Variants in ANKFY1 observed in about 807,000 individuals in gnomAD.
ANKFY1 encodes ankyrin repeat and FYVE domain-containing protein 1.
A neutral mutation model predicts 128.3 loss-of-function variants in ANKFY1; 47 were observed. The ratio of observed to expected loss-of-function variants is 0.37; its 90% CI spans 0.29 to 0.47. The LOEUF (loss-of-function observed/expected upper bound fraction) is 0.47. Ranked by LOEUF, ANKFY1 falls within the 20% of genes least tolerant of loss-of-function variation. The pLI, the probability that ANKFY1 is intolerant of heterozygous loss-of-function variation, is 1.00. For synonymous variants in ANKFY1, 553 were observed against 601.6 expected, an observed-to-expected ratio of 0.92 and a Z score of 1.18; for missense variants, 1,222 against 1,510.6, an observed-to-expected ratio of 0.81 and a Z score of 3.17.
chr17:4,232,361 G>A (rs78304436), intron 3 of ANKFY1, among the ~76,000 whole-genome samples: 7,927 of 152,210 alleles, frequency 0.052, 451 homozygotes, highest in African/African-American at 0.14. Context: ...CAATGAGCAG[G>A]ACTGCTGGGC....
intron 3 of ANKFY1, among the ~76,000 whole-genome samples, chr17:4,231,080 C>G (rs1349436487): frequency 6.6e-6 from 1 of 152,194 alleles, no homozygotes; most frequent in African/African-American, 2.4e-5. Flanking sequence ...CTAAACCATT[C>G]TTGTTTTTCA....
At chr17:4,256,719 T>C (rs1170647668) in intron 1 of ANKFY1, among the ~76,000 whole-genome samples, 4 of 152,214 alleles carry the variant, frequency 2.6e-5, no homozygotes, top group Non-Finnish European at 5.9e-5. Context: ...TTCCCCTCTC[T>C]GTTCTGCAAG....
At chr17:4,257,389 C>A (rs1224295868) in intron 1 of ANKFY1, among the ~76,000 whole-genome samples, 1 of 152,164 alleles carries the variant, frequency 6.6e-6, no homozygotes, top group South Asian at 2.1e-4. Context: ...TCGGTAGTAT[C>A]GCTCCATGAG....
At position 4,242,276 on chromosome 17, in the gene ANKFY1, G is replaced by C. The variant is rs768153762; in HGVS notation, c.183C>G (p.Leu61=). The stretch of plus-strand genomic sequence containing the variant: ...CCCACCTGTACTGCTCCTGCTCGTA[G>C]AGGTCTGCCACGATGGCCAGCAGAC... ...ISRLLAIVAD[L]YEQEQYSDLK... The change falls in exon 2 of 25, where the codon CTC becomes CTG. Residue 61 remains leucine, a synonymous_variant. Coordinates refer to ENST00000341657, the MANE Select transcript of ANKFY1 (RefSeq NM_001330063.2). The C allele has an allele frequency of 6.3e-7, 1 of 1,586,342 alleles. No homozygotes were observed. Among genetic ancestry groups the C allele is most frequent in the African/African-American group, 1.4e-5 (1 of 73,110 alleles).
intron 1 of ANKFY1, among the ~76,000 whole-genome samples, chr17:4,263,153 G>A (rs895511477): frequency 6.6e-6 from 1 of 152,280 alleles, no homozygotes; most frequent in South Asian, 2.1e-4. Flanking sequence ...GTACAATAAG[G>A]CTTTGACAAT....
At chr17:4,215,503 G>T (rs1280251077) in intron 4 of ANKFY1, among the ~76,000 whole-genome samples, 2 of 152,028 alleles carry the variant, frequency 1.3e-5, no homozygotes, top group Admixed American at 6.6e-5. Context: ...ATTATCTCAA[G>T]CATGTAATTC....
intron 2 of ANKFY1, among the ~76,000 whole-genome samples, chr17:4,241,291 T>C (rs1197175163): frequency 6.8e-6 from 1 of 148,042 alleles, no homozygotes. Flanking sequence ...TTTTTTTTTT[T>C]TTTTTTGAGA....
In ANKFY1 at chr17:4,206,444, C is replaced by T. The variant is rs200850045; in HGVS notation, c.775G>A (p.Ala259Thr). 1 of 1,614,074 alleles carries T rather than the reference C, an allele frequency of 6.2e-7. No individual in the cohort carries two copies. The highest frequency in any genetic ancestry group is 1.7e-5 in the Admixed American group (1 of 60,016). ...LNEADHNGDL[A>T]LDLALSRRLE... Reference sequence around the variant, plus strand: ...CGTCGTGAGAGGGCTAGATCTAATGCCAGATCTCCGTTATGATCCGCTTCA... The same window carrying T: ...CGTCGTGAGAGGGCTAGATCTAATGTCAGATCTCCGTTATGATCCGCTTCA... The change falls in exon 7 of 25, where the codon GCA becomes ACA. Residue 259 changes from alanine to threonine, a missense_variant. By Grantham distance (58) the Ala-to-Thr change is moderately conservative. Transcript: ENST00000341657.
chr17:4,242,160 G>C (rs532806383), intron 2 of ANKFY1, 96 bp downstream of exon 2: 3 of 1,238,550 alleles, frequency 2.4e-6, no homozygotes, highest in South Asian at 3.5e-5. Context: ...ATCCTCATTA[G>C]AGATAAATAA....
rs1279774174 is a variant in ANKFY1 at position 4,206,576 on chromosome 17, C to G, written c.733-90G>C. ...CCACCTTGACCCTTAAATATCATCT[C>G]TTATACAAATGTCAAATTTAAGTGC... is the stretch of plus-strand genomic sequence containing the variant. On this transcript the variant is annotated intron_variant, in intron 6 of 24. Transcript: ENST00000341657. The G allele has an allele frequency of 2.5e-6, 3 of 1,222,582 alleles. No individual in the cohort carries two copies. In the East Asian group the frequency reaches 7.2e-5, roughly 29 times the overall value. The allele number at this position is 1,222,582 out of a possible 1,614,324, so 75.7% of individuals were successfully genotyped here.
At chr17:4,185,997 T>C (rs1567921622) in intron 11 of ANKFY1, among the ~76,000 whole-genome samples, 1 of 152,302 alleles carries the variant, frequency 6.6e-6, no homozygotes, top group East Asian at 1.9e-4. Context: ...TTAAAAATAT[T>C]TTTAATTGGT....
intron 3 of ANKFY1, among the ~76,000 whole-genome samples, chr17:4,218,866 G>A (rs2060263582): frequency 6.6e-6 from 1 of 151,988 alleles, no homozygotes; most frequent in South Asian, 2.1e-4. Context: ...GGCAGAGCAA[G>A]ACCCTGTCTC....
At chr17:4,179,142 T>C (rs971261769) in intron 17 of ANKFY1, 85 bp from the exon 18 acceptor site, 19 of 1,452,070 alleles carry the variant, frequency 1.3e-5, no homozygotes, top group African/African-American at 2.8e-5. Flanking sequence ...TTAAATCAAA[T>C]TTCAGTTATG....
At chr17:4,257,193 T>C (rs1968173944) in intron 1 of ANKFY1, among the ~76,000 whole-genome samples, 1 of 152,168 alleles carries the variant, frequency 6.6e-6, no homozygotes, top group Non-Finnish European at 1.5e-5. Context: ...AGTCCTGTCT[T>C]TCATACGTTC....
intron 15 of ANKFY1, 88 bp downstream of exon 15, chr17:4,182,093 T>C: frequency 7.9e-7 from 1 of 1,273,632 alleles, no homozygotes; most frequent in Non-Finnish European, 1.0e-6. Flanking sequence ...CAGATCTTGC[T>C]CCTGTGACAG....
chr17:4,169,309 CCGG>C lies in ANKFY1; in HGVS notation c.3287-24_3287-22del. 1 of 1,533,274 alleles carries C rather than the reference CCGG, an allele frequency of 6.5e-7. No homozygotes were observed. Among genetic ancestry groups the C allele is most frequent in the Non-Finnish European group, 8.8e-7 (1 of 1,133,278 alleles). The allele number at this position is 1,533,274 out of a possible 1,614,324, so 95.0% of individuals were successfully genotyped here. On this transcript the variant is annotated intron_variant, in intron 23 of 24. Transcript: ENST00000341657. This position sits in a 1 kb window ranked among gnomAD's most constrained non-coding sequence, Gnocchi z 5.0. The stretch of plus-strand genomic sequence containing the variant: ...CATATCTGCAACACAGGGGGGAGGC[CCGG>C]TCCCGTCAAACCGCGACGGCGCCAC...
intron 4 of ANKFY1, among the ~76,000 whole-genome samples, chr17:4,215,843 A>ACATATAAAGACATAAAT (rs2143021300): frequency 6.6e-6 from 1 of 152,334 alleles, no homozygotes; most frequent in South Asian, 2.1e-4. Context: ...AGTCTGGAAA[A>ACATATAAAGACATAAAT]CATATAAAGA....
intron 7 of ANKFY1, among the ~76,000 whole-genome samples, chr17:4,202,436 C>T (rs1234192712): frequency 1.3e-5 from 2 of 148,674 alleles, no homozygotes; most frequent in African/African-American, 5.0e-5. Flanking sequence ...CAGTGGCTCA[C>T]GCCTGTAATC....
At chr17:4,172,708 A>G (rs1295143610) in intron 21 of ANKFY1, 28 bp from the exon 22 acceptor site, 6 of 1,612,758 alleles carry the variant, frequency 3.7e-6, no homozygotes, top group Non-Finnish European at 5.1e-6. Context: ...AAAAGTTAGG[A>G]ATGTATCTGC....
Sources: allele counts gnomAD v4.1 joint callset (sites outside exome capture counted in the v4.1 genomes callset), GRCh38; gene constraint gnomAD v4.1.1; non-coding constraint Gnocchi (gnomAD v3.1); transcripts MANE v1.5; gene names NCBI Gene and HGNC (gene_info 2026-07-23, HGNC 2026-07-21).